Variants in CCDC73 observed in about 807,000 individuals in gnomAD.
The protein encoded by CCDC73 is coiled-coil domain containing 73.
A neutral mutation model predicts 116.5 loss-of-function variants in CCDC73; 95 were observed. The observed-to-expected ratio is 0.82, with a 90% confidence interval of 0.69 to 0.97. CCDC73 has a LOEUF of 0.97. Among genes scored for constraint, CCDC73 ranks in the 50% least tolerant of loss-of-function variants. The probability of loss-of-function intolerance (pLI) is 0.00; values close to 1 mark genes in which losing one functional copy is unlikely to be tolerated. For synonymous variants in CCDC73, 398 were observed against 401.3 expected (o/e 0.99, Z 0.10); for missense variants, 1,066 against 1,206.8 (o/e 0.88, Z 1.73).
At chr11:32,628,885 T>G (rs1245682763) in intron 14 of CCDC73, among the ~76,000 whole-genome samples, 1 of 152,090 alleles carries the variant, frequency 6.6e-6, no homozygotes. Context: ...GCAAAGGAAC[T>G]TTAAAACAGC....
chr11:32,804,780 G>A, the CCDC73 span, among the ~76,000 whole-genome samples: 3 of 152,128 alleles, frequency 2.0e-5, no homozygotes, highest in African/African-American at 7.2e-5. Context: ...TCAAAACAAA[G>A]GTTTACTTAA....
intron 1 of CCDC73, among the ~76,000 whole-genome samples, chr11:32,773,757 G>A (rs1850509729): frequency 6.8e-6 from 1 of 147,322 alleles, no homozygotes; most frequent in Admixed American, 6.9e-5. Flanking sequence ...TCCAGCCTGG[G>A]TAACAGAGCA....
At chr11:32,675,815 GT>G in intron 8 of CCDC73, 70 bp downstream of exon 8, 3 of 1,305,630 alleles carry the variant, frequency 2.3e-6, no homozygotes, top group Non-Finnish European at 3.2e-6. Context: ...GATATTCAAT[GT>G]ATTCATAGTA....
intron 2 of CCDC73, among the ~76,000 whole-genome samples, chr11:32,745,515 C>A (rs188478922): frequency 1.8e-3 from 269 of 152,136 alleles, no homozygotes; most frequent in South Asian, 6.8e-3. Context: ...AAGTCTCCCA[C>A]TATTATTGTG....
At chr11:32,830,162 G>T in the CCDC73 span, 1 of 1,022,484 alleles carries the variant, frequency 9.8e-7, no homozygotes, top group Non-Finnish European at 1.2e-6. Context: ...GAACATGTGC[G>T]GGGGGACACA....
At chr11:32,672,076 C>T (rs1398377222) in intron 9 of CCDC73, among the ~76,000 whole-genome samples, 3 of 152,154 alleles carry the variant, frequency 2.0e-5, no homozygotes, top group African/African-American at 4.8e-5. Flanking sequence ...GCAGGCCAGG[C>T]ATGGTGACTC....
upstream of CCDC73, among the ~76,000 whole-genome samples, chr11:32,794,925 C>T (rs1400017324): frequency 2.0e-5 from 3 of 149,698 alleles, no homozygotes; most frequent in African/African-American, 7.4e-5. Flanking sequence ...AGTGGAGTGG[C>T]GCGATCTCGG....
rs530504264 is a variant in CCDC73, at chr11:32,789,867, A to G, written c.-16+4746T>C. Among the ~76,000 whole-genome samples the G allele has an allele frequency of 2.0e-3, 298 of 152,360 alleles. 1 individual carries two copies. The highest frequency in any genetic ancestry group is 1.4e-3 in the Non-Finnish European group (93 of 68,028). Reference sequence around the variant, plus strand: ...TATAATACAATGTGATCATGTGTGAAGATGGACACCCAGCATGAGAAAATC... The same window carrying G: ...TATAATACAATGTGATCATGTGTGAGGATGGACACCCAGCATGAGAAAATC... On this transcript the variant is annotated intron_variant, in intron 1 of 17. Transcript: ENST00000335185.
intron 2 of CCDC73, among the ~76,000 whole-genome samples, chr11:32,757,422 T>G (rs1184797607): frequency 6.6e-6 from 1 of 152,076 alleles, no homozygotes; most frequent in Non-Finnish European, 1.5e-5. Flanking sequence ...ATCCCAAAAA[T>G]AAGACCAATG....
intron 9 of CCDC73, among the ~76,000 whole-genome samples, chr11:32,661,354 G>A (rs1855921439): frequency 6.6e-6 from 1 of 152,022 alleles, no homozygotes; most frequent in Non-Finnish European, 1.5e-5. Context: ...ACAACGTGCA[G>A]GTTTGTAACG....
the CCDC73 span, among the ~76,000 whole-genome samples, chr11:32,809,452 C>T: frequency 3.3e-5 from 5 of 152,216 alleles, no homozygotes; most frequent in African/African-American, 1.2e-4. Context: ...GGACTGTAGA[C>T]TTGCTGTCTT....
At chr11:32,812,502 C>G in the CCDC73 span, among the ~76,000 whole-genome samples, 1 of 152,150 alleles carries the variant, frequency 6.6e-6, no homozygotes, top group South Asian at 2.1e-4. Context: ...CCTGTCTCTA[C>G]TAAAAATACA....
intron 12 of CCDC73, among the ~76,000 whole-genome samples, chr11:32,647,226 A>G (rs1855786186): frequency 6.6e-6 from 1 of 152,192 alleles, no homozygotes; most frequent in Non-Finnish European, 1.5e-5. Flanking sequence ...AGGCCTAAGG[A>G]AGCTTTTACT....
chr11:32,654,804 A>G (rs1017793055), intron 10 of CCDC73, 40 bp downstream of exon 10: 2 of 1,328,836 alleles, frequency 1.5e-6, no homozygotes, highest in African/African-American at 3.0e-5. Context: ...AGTTTTATTG[A>G]AAATATTAAT....
At chr11:32,737,123 A>G (rs1490504324) in intron 2 of CCDC73, among the ~76,000 whole-genome samples, 2 of 151,470 alleles carry the variant, frequency 1.3e-5, no homozygotes, top group Non-Finnish European at 2.9e-5. Context: ...TATTCTTCAT[A>G]TTTGATTCAA....
intron 6 of CCDC73, among the ~76,000 whole-genome samples, chr11:32,696,837 T>G (rs1282152080): frequency 1.3e-5 from 2 of 152,052 alleles, no homozygotes; most frequent in Non-Finnish European, 2.9e-5. Context: ...CACTACTTTT[T>G]TGTTGATAAA....
intron 1 of CCDC73, among the ~76,000 whole-genome samples, chr11:32,766,241 G>T (rs370519298): frequency 7.2e-5 from 11 of 152,222 alleles, no homozygotes; most frequent in South Asian, 4.2e-4. Context: ...GAAAAGGCCT[G>T]TGACAAAATT....
At chr11:32,624,897 T>C (rs1446412463) in intron 14 of CCDC73, among the ~76,000 whole-genome samples, 1 of 152,186 alleles carries the variant, frequency 6.6e-6, no homozygotes, top group East Asian at 1.9e-4. Context: ...TGGATGAAGG[T>C]GGAAACCATC....
In CCDC73 at chr11:32,637,009, T is replaced by C. The variant is rs375752299; in HGVS notation, c.1051-1179A>G. Reference sequence around the variant, plus strand: ...CCAGTTCCTCTGTCTGTTTCACTTTTTCTTTTTCTTTTTTTTTTTTTTTTT... The same window carrying C: ...CCAGTTCCTCTGTCTGTTTCACTTTCTCTTTTTCTTTTTTTTTTTTTTTTT... On this transcript the variant is annotated intron_variant, in intron 13 of 17. Transcript: ENST00000335185. Among the ~76,000 whole-genome samples the C allele has an allele frequency of 7.8e-3, 1,021 of 131,330 alleles. 17 individuals carry two copies. The highest frequency in any genetic ancestry group is 0.029 in the African/African-American group (986 of 33,512). The allele number at this position is 131,330 out of a possible 152,430, so 86.2% of individuals were successfully genotyped here. A position where few individuals can be genotyped will look rare whatever the true frequency, so the allele number is the denominator to read the frequency against.
Sources: gnomAD v4.1 joint callset for allele counts (sites outside exome capture counted in the v4.1 genomes callset) on GRCh38, gnomAD v4.1.1 for gene constraint, MANE v1.5 for transcripts, NCBI Gene and HGNC (gene_info 2026-07-23, HGNC 2026-07-21) for gene names.